PPM1L: variants seen among roughly 807,000 people sequenced by gnomAD.
PPM1L encodes the protein protein phosphatase 1L.
In PPM1L, 13 loss-of-function variants were observed where a neutral mutation model predicts 31.4. The ratio of observed to expected loss-of-function variants is 0.41; its 90% CI spans 0.27 to 0.66. The LOEUF (loss-of-function observed/expected upper bound fraction) is 0.66, where lower values mean the gene tolerates loss of function less well. Among genes scored for constraint, PPM1L ranks in the 30% least tolerant of loss-of-function variants. The pLI is 0.29. For missense variants in PPM1L, 326 were observed against 453.7 expected, an observed-to-expected ratio of 0.72 and a Z score of 2.56; for synonymous variants, 184 against 175.4, an observed-to-expected ratio of 1.05 and a Z score of -0.39.
intron 1 of PPM1L, among the ~76,000 whole-genome samples, chr3:160,945,652 A>T (rs1199550891): frequency 6.6e-6 from 1 of 152,090 alleles, no homozygotes; most frequent in Non-Finnish European, 1.5e-5. Context: ...CTTTTTAATC[A>T]TCTGTAACAA....
chr3:160,883,157 G>GT, intron 1 of PPM1L, among the ~76,000 whole-genome samples: 1 of 152,184 alleles, frequency 6.6e-6, no homozygotes, highest in South Asian at 2.1e-4. Flanking sequence ...TTTGTTGTCA[G>GT]TTTTTTACTT....
intron 2 of PPM1L, among the ~76,000 whole-genome samples, chr3:161,018,997 G>GA (rs1369693579): frequency 6.6e-6 from 1 of 152,198 alleles, no homozygotes; most frequent in African/African-American, 2.4e-5. Context: ...ATTGAGGCAT[G>GA]AACCCTTTTA....
At chr3:161,028,383 G>C (rs1718468811) in intron 2 of PPM1L, among the ~76,000 whole-genome samples, 1 of 152,166 alleles carries the variant, frequency 6.6e-6, no homozygotes, top group South Asian at 2.1e-4. Context: ...GGAGGCCTAA[G>C]TATACAGGTG....
At chr3:160,768,387 T>C (rs114728254) in intron 1 of PPM1L, among the ~76,000 whole-genome samples, 2,509 of 152,292 alleles carry the variant, frequency 0.016, 60 homozygotes, top group African/African-American at 0.057. Context: ...GGTTTAAGAC[T>C]ATTTCTTCTA....
chr3:160,830,082 C>T lies in PPM1L; in HGVS notation c.399+73375C>T, dbSNP rs375116625. ...AAGCCTTGGTATGATGAATCTTGGC[C>T]TTGTGAGCTGGCTTTGTTCTCTGCT... is the stretch of plus-strand genomic sequence containing the variant. On this transcript the variant is annotated intron_variant, in intron 1 of 3. Transcript: ENST00000498165. Among the ~76,000 whole-genome samples, 17 of 152,254 alleles carry T rather than the reference C, an allele frequency of 1.1e-4. No homozygotes were observed. The East Asian group carries it at 3.1e-3, about 28-fold the overall frequency.
At chr3:160,906,288 G>A (rs1282642930) in intron 1 of PPM1L, among the ~76,000 whole-genome samples, 1 of 152,138 alleles carries the variant, frequency 6.6e-6, no homozygotes, top group Non-Finnish European at 1.5e-5. Flanking sequence ...GCAAATATTT[G>A]TATAATAATT....
intron 1 of PPM1L, among the ~76,000 whole-genome samples, chr3:160,921,607 T>G (rs1447626): frequency 0.41 from 61,615 of 151,940 alleles, 13,237 homozygotes; most frequent in East Asian, 0.58. Flanking sequence ...TTATCTTATT[T>G]AAAATGTCAC....
intron 1 of PPM1L, among the ~76,000 whole-genome samples, chr3:160,835,086 T>TTTTTC (rs1713667883): frequency 9.4e-6 from 1 of 106,220 alleles, no homozygotes; most frequent in African/African-American, 3.8e-5. Flanking sequence ...CTTCTTCTTC[T>TTTTTC]TTCTTTTTTC....
intron 2 of PPM1L, among the ~76,000 whole-genome samples, chr3:160,995,706 A>G (rs1717297520): frequency 1.3e-5 from 2 of 152,206 alleles, no homozygotes; most frequent in Admixed American, 6.5e-5. Context: ...GAAACTATTG[A>G]TGCAGGGGAG....
At position 160,810,291 on chromosome 3, in the gene PPM1L, C is replaced by T. The variant is rs142767995; in HGVS notation, c.399+53584C>T. On this transcript the variant is annotated intron_variant, in intron 1 of 3. Coordinates refer to ENST00000498165, the MANE Select transcript of PPM1L (RefSeq NM_139245.4). Reference sequence around the variant, plus strand: ...TTATACAAATCCAAGAAGGGAGCTGCTTTTATTGCTCTCACTCCTGTTTCA... The same window carrying T: ...TTATACAAATCCAAGAAGGGAGCTGTTTTTATTGCTCTCACTCCTGTTTCA... Among the ~76,000 whole-genome samples, 935 of 152,092 alleles carry T rather than the reference C, an allele frequency of 6.1e-3. 17 individuals are homozygous for T. The highest frequency in any genetic ancestry group is 0.034 in the Admixed American group (524 of 15,262).
chr3:160,895,016 T>G (rs1417685664), intron 1 of PPM1L, among the ~76,000 whole-genome samples: 1 of 152,184 alleles, frequency 6.6e-6, no homozygotes, highest in Non-Finnish European at 1.5e-5. Context: ...GAAAATGGAT[T>G]TTTCATAGCT....
At chr3:161,063,770 A>G (rs751855440) in intron 2 of PPM1L, among the ~76,000 whole-genome samples, 16 of 152,250 alleles carry the variant, frequency 1.1e-4, no homozygotes, top group South Asian at 2.1e-4. Flanking sequence ...GAACCCATCC[A>G]AATGTCCATC....
chr3:160,979,999 C>T (rs1716741607), intron 2 of PPM1L, among the ~76,000 whole-genome samples: 1 of 152,016 alleles, frequency 6.6e-6, no homozygotes, highest in East Asian at 1.9e-4. Context: ...AGGGCTTCTA[C>T]CATAGGTGCT....
intron 2 of PPM1L, among the ~76,000 whole-genome samples, chr3:161,018,260 G>T (rs1230151519): frequency 6.6e-6 from 1 of 152,100 alleles, no homozygotes; most frequent in Non-Finnish European, 1.5e-5. Flanking sequence ...ACACATAAAA[G>T]ACCATAACGC....
chr3:161,020,608 G>A (rs1718212127), intron 2 of PPM1L, among the ~76,000 whole-genome samples: 1 of 152,152 alleles, frequency 6.6e-6, no homozygotes, highest in South Asian at 2.1e-4. Flanking sequence ...GGAAAAGTTT[G>A]TGAAGAATTG....
intron 1 of PPM1L, among the ~76,000 whole-genome samples, chr3:160,873,226 C>G (rs541764594): frequency 6.6e-6 from 1 of 152,158 alleles, no homozygotes; most frequent in Non-Finnish European, 1.5e-5. Context: ...TAGGTTCTAA[C>G]AAGCATATGG....
At chr3:160,944,840 G>GTTATATATAACATATATATA (rs1715306597) in intron 1 of PPM1L, among the ~76,000 whole-genome samples, 1 of 47,774 alleles carries the variant, frequency 2.1e-5, no homozygotes, top group Non-Finnish European at 4.3e-5. Flanking sequence ...ACATATATAT[G>GTTATATATAACATATATATA]TTATATATAA....
chr3:160,808,383 CTG>C (rs71912617), intron 1 of PPM1L, among the ~76,000 whole-genome samples: 50,865 of 109,894 alleles, frequency 0.46, 12,143 homozygotes, highest in East Asian at 0.65. Context: ...CAGGATTTTC[CTG>C]TGTGTGTGTG....
chr3:160,989,628 C>T (rs1207982154), intron 2 of PPM1L, among the ~76,000 whole-genome samples: 1 of 152,032 alleles, frequency 6.6e-6, no homozygotes, highest in African/African-American at 2.4e-5. Flanking sequence ...TCACAAAGTG[C>T]TAGGGTCACA....
Sources: gnomAD v4.1 joint callset for allele counts (sites outside exome capture counted in the v4.1 genomes callset) on GRCh38, gnomAD v4.1.1 for gene constraint, MANE v1.5 for transcripts, NCBI Gene and HGNC (gene_info 2026-07-23, HGNC 2026-07-21) for gene names.